Variants in MALT1 observed in about 807,000 individuals in gnomAD.
MALT1 encodes mucosa-associated lymphoid tissue lymphoma translocation protein 1.
MALT1 carries 36 observed loss-of-function variants against 85.5 expected under a neutral mutation model. The observed-to-expected ratio is 0.42, with a 90% confidence interval of 0.32 to 0.56. The LOEUF (loss-of-function observed/expected upper bound fraction) is 0.56. MALT1 is among the 20% of genes least tolerant of loss of function. The pLI is 0.10. For missense variants in MALT1, 716 were observed against 981.6 expected, an observed-to-expected ratio of 0.73 and a Z score of 3.62; for synonymous variants, 359 against 361.3, an observed-to-expected ratio of 0.99 and a Z score of 0.07.
chr18:58,710,939 T>C lies in MALT1; in HGVS notation c.944T>C (p.Val315Ala). ...AAACAAGGAAGAACAGATGAGGCAGTGGAGTGCACTGAAGGTAGTGTAAGT... is the reference window on the plus strand; with the variant it reads ...AAACAAGGAAGAACAGATGAGGCAGCGGAGTGCACTGAAGGTAGTGTAAGT... ...EIIIGRTDEA[V>A]ECTEDELNNL... is the part of the protein sequence containing the mutation. The change falls in exon 7 of 17, where the codon GTG becomes GCG. Residue 315 changes from valine (V) to alanine (A), a missense_variant. Val to Ala is a moderately conservative substitution (Grantham distance 64). Around this residue, in one of 4 missense-constraint regions of MALT1, gnomAD observed 290 missense variants for 380.5 expected, o/e 0.76. Coordinates refer to ENST00000649217, the MANE Select transcript of MALT1 (RefSeq NM_006785.4). 1 of 1,578,692 alleles carries C rather than the reference T, an allele frequency of 6.3e-7. No homozygotes were observed. Among genetic ancestry groups the C allele is most frequent in the Non-Finnish European group, 8.6e-7 (1 of 1,166,348 alleles).
chr18:58,672,606 A>C (rs532486541), intron 1 of MALT1: 4 of 152,328 alleles, frequency 2.6e-5, no homozygotes, highest in Admixed American at 6.5e-5. Context: ...TTTGAAATTA[A>C]AGCTAAGACA....
At chr18:58,706,116 G>C (rs2054748436) in intron 4 of MALT1, among the ~76,000 whole-genome samples, 1 of 152,054 alleles carries the variant, frequency 6.6e-6, no homozygotes, top group African/African-American at 2.4e-5. Flanking sequence ...CTCCCGAGTA[G>C]GTGGGACTAC....
In MALT1 at chr18:58,753,599, G is replaced by T. The variant is rs965028468; in HGVS notation, c.*5757G>T. The stretch of plus-strand genomic sequence containing the variant: ...ATTTAATGCCACCAGTTTGTGTTAT[G>T]TATCTATCCCGCAAAACAGCTCTAA... On this transcript the variant is annotated 3_prime_UTR_variant, in exon 17 of 17. Transcript: ENST00000649217. 1 of 152,132 alleles carries T rather than the reference G, an allele frequency of 6.6e-6. No individual in the cohort carries two copies. Among genetic ancestry groups the T allele is most frequent in the Non-Finnish European group, 1.5e-5 (1 of 68,028 alleles). 9.4% of individuals were successfully genotyped at this position (152,132 alleles called of 1,614,324 possible). A position where few individuals can be genotyped will look rare whatever the true frequency, so the allele number is the denominator to read the frequency against.
intron 1 of MALT1, among the ~76,000 whole-genome samples, chr18:58,676,571 G>A (rs191475782): frequency 6.6e-6 from 1 of 152,242 alleles, no homozygotes; most frequent in African/African-American, 2.4e-5. Flanking sequence ...CACATGACTT[G>A]TTCACCTCAC....
intron 3 of MALT1, 97 bp downstream of exon 3, chr18:58,696,584 TAA>T: frequency 9.8e-7 from 1 of 1,018,442 alleles, no homozygotes; most frequent in Non-Finnish European, 1.4e-6. Context: ...AACAGTTTGG[TAA>T]AAGAGTCTGA....
At chr18:58,733,373 C>A (rs751057319) in intron 10 of MALT1, 24 bp from the exon 11 acceptor site, 4 of 1,506,398 alleles carry the variant, frequency 2.7e-6, no homozygotes, top group African/African-American at 2.8e-5. Context: ...ACATCTATCT[C>A]TCTCTTATTT....
At chr18:58,689,196 T>A (rs1011801805) in intron 2 of MALT1, among the ~76,000 whole-genome samples, 8 of 151,408 alleles carry the variant, frequency 5.3e-5, no homozygotes, top group African/African-American at 1.7e-4. Context: ...AAACATAAGG[T>A]TTAAAACCTT....
chr18:58,714,182 C>T, intron 8 of MALT1, 73 bp downstream of exon 8: 2 of 710,436 alleles, frequency 2.8e-6, no homozygotes, highest in Admixed American at 2.7e-5. Flanking sequence ...ACCGTAGGTA[C>T]TCTTTTGCTA....
chr18:58,684,684 C>T (rs1305238299), intron 2 of MALT1, among the ~76,000 whole-genome samples: 1 of 150,872 alleles, frequency 6.6e-6, no homozygotes, highest in East Asian at 2.0e-4. Flanking sequence ...GACCTCAGGT[C>T]ATCCACCCAC....
chr18:58,702,314 G>A (rs1033447213), intron 4 of MALT1, among the ~76,000 whole-genome samples: 3 of 152,002 alleles, frequency 2.0e-5, no homozygotes, highest in Admixed American at 2.0e-4. Flanking sequence ...AGCCCGGGAG[G>A]CGGAGGTTGC....
chr18:58,715,908 A>G (rs1377276409), intron 8 of MALT1, 27 bp from the exon 9 acceptor site: 1 of 1,545,476 alleles, frequency 6.5e-7, no homozygotes, highest in Non-Finnish European at 8.9e-7. Context: ...TGGATCTTAC[A>G]TGTTTTGCTT....
intron 8 of MALT1, 27 bp downstream of exon 8, chr18:58,714,136 G>A: frequency 8.4e-7 from 1 of 1,191,498 alleles, no homozygotes; most frequent in African/African-American, 1.5e-5. Context: ...TAAAACTTTA[G>A]TTTTAGATTT....
At chr18:58,685,674 C>T (rs904797103) in intron 2 of MALT1, among the ~76,000 whole-genome samples, 1 of 152,158 alleles carries the variant, frequency 6.6e-6, no homozygotes, top group Non-Finnish European at 1.5e-5. Flanking sequence ...CTGTTGCTTT[C>T]TTTCTTGTCG....
rs140655432 is a variant in MALT1, at chr18:58,715,514, A to T, written c.986-421A>T. Among the ~76,000 whole-genome samples the T allele has an allele frequency of 1.8e-3, 275 of 152,248 alleles. 2 individuals carry two copies. Among genetic ancestry groups the T allele is most frequent in the South Asian group, 0.011 (53 of 4,826 alleles). ...CGGGATTTTATTTTATGTATACTAG[A>T]GGGTGAAAGCATAGAATCCAGAAGG... On this transcript the variant is annotated intron_variant, in intron 8 of 16. Coordinates refer to ENST00000649217, the MANE Select transcript of MALT1 (RefSeq NM_006785.4).
At position 58,749,018 on chromosome 18, in the gene MALT1, A is replaced by G. The variant is rs1282773775; in HGVS notation, c.*1176A>G. ...AAACACAAAAATCATTAACAAAAAT[A>G]TTAGCAAACTGAATCCAGCAACCTA... On this transcript the variant is annotated 3_prime_UTR_variant, in exon 17 of 17. Transcript: ENST00000649217. 9.5e-6 allele frequency: 2 copies of G among 210,840 alleles called. No homozygotes were observed. The highest frequency in any genetic ancestry group is 1.9e-5 in the Non-Finnish European group (2 of 103,890). 13.1% of individuals were successfully genotyped at this position (210,840 alleles called of 1,614,324 possible). A position where few individuals can be genotyped will look rare whatever the true frequency, so the allele number is the denominator to read the frequency against.
chr18:58,702,991 T>G lies in MALT1; in HGVS notation c.649+2400T>G, dbSNP rs544316572. ...AGGAAAACACTTTTTGTTAAAAGAGTTAAAATGCTGCTGTCTCATTCTTTT... is the reference window on the plus strand; with the variant it reads ...AGGAAAACACTTTTTGTTAAAAGAGGTAAAATGCTGCTGTCTCATTCTTTT... On this transcript the variant is annotated intron_variant, in intron 4 of 16. Coordinates refer to ENST00000649217, the MANE Select transcript of MALT1 (RefSeq NM_006785.4). Among the ~76,000 whole-genome samples the G allele has an allele frequency of 2.0e-5, 3 of 152,232 alleles. No homozygotes were observed. In the East Asian group the frequency reaches 5.8e-4, roughly 29 times the overall value.
rs2054160500 is a variant in MALT1 at position 58,671,596 on chromosome 18, G to C, written c.-48G>C. ...AAGGTGCCCCGGGGCCGAGGCCCGT[G>C]ACGGGGCGGGCGGGAGCCCCGGCAG... On this transcript the variant is annotated 5_prime_UTR_variant, in exon 1 of 17. Coordinates refer to ENST00000649217, the MANE Select transcript of MALT1 (RefSeq NM_006785.4). 3.4e-6 allele frequency: 4 copies of C among 1,173,198 alleles called. No homozygotes were observed. Among genetic ancestry groups the C allele is most frequent in the Non-Finnish European group, 4.3e-6 (4 of 940,860 alleles). 72.7% of individuals were successfully genotyped at this position (1,173,198 alleles called of 1,614,324 possible). A position where few individuals can be genotyped will look rare whatever the true frequency, so the allele number is the denominator to read the frequency against.
intron 4 of MALT1, among the ~76,000 whole-genome samples, chr18:58,708,823 A>C (rs906358125): frequency 6.6e-6 from 1 of 152,252 alleles, no homozygotes; most frequent in South Asian, 2.1e-4. Flanking sequence ...CATAAAATTG[A>C]CAAGCTCTTT....
In MALT1 at chr18:58,671,738, G is replaced by A; in HGVS notation, c.95G>A (p.Arg32His). 1.6e-6 allele frequency: 2 copies of A among 1,276,826 alleles called. No individual in the cohort carries two copies. The highest frequency in any genetic ancestry group is 2.6e-5 in the South Asian group (1 of 38,772). The allele number at this position is 1,276,826 out of a possible 1,614,324, so 79.1% of individuals were successfully genotyped here. The change falls in exon 1 of 17, where the codon CGC becomes CAC. Residue 32 changes from arginine to histidine, a missense_variant. This residue lies in a region of MALT1 where 80 missense variants were observed against 65.1 expected (regional missense o/e 1.23). Transcript: ENST00000649217. ...CCTCCGGCCGGCGCGACCCTCAACC[G>A]CCTGCGGGAGCCGCTGCTGCGGAGG... Reference protein sequence around the residue: ...LAPPAGATLNRLREPLLRRLS... With the variant: ...LAPPAGATLNHLREPLLRRLS...
Sources: allele counts gnomAD v4.1 joint callset (sites outside exome capture counted in the v4.1 genomes callset), GRCh38; gene constraint gnomAD v4.1.1; regional missense constraint gnomAD v4.1.1; transcripts MANE v1.5; gene names NCBI Gene and HGNC (gene_info 2026-07-23, HGNC 2026-07-21).